HECTD4: variants seen among roughly 807,000 people sequenced by gnomAD.
The protein encoded by HECTD4 is probable E3 ubiquitin-protein ligase HECTD4.
In HECTD4, 114 loss-of-function variants were observed where a neutral mutation model predicts 471.5. The observed-to-expected ratio is 0.24, with a 90% confidence interval of 0.21 to 0.28. The LOEUF (loss-of-function observed/expected upper bound fraction) is 0.28, where lower values mean the gene tolerates loss of function less well. Ranked by LOEUF, HECTD4 falls within the 10% of genes least tolerant of loss-of-function variation. The pLI is 1.00. For missense variants in HECTD4, 3,866 were observed against 5,651.5 expected (o/e 0.68, Z 10.13); for synonymous variants, 2,012 against 2,256.0 (o/e 0.89, Z 3.07).
chr12:112,174,628 A>T (rs927781542), intron 66 of HECTD4, among the ~76,000 whole-genome samples: 1 of 147,172 alleles, frequency 6.8e-6, no homozygotes, highest in African/African-American at 2.5e-5. Flanking sequence ...GCAGTGACAC[A>T]ATCTCGGCTC....
chr12:112,367,552 G>T (rs773363397), intron 1 of HECTD4, among the ~76,000 whole-genome samples: 6 of 151,908 alleles, frequency 3.9e-5, no homozygotes, highest in Non-Finnish European at 7.4e-5. Context: ...GGGCCCAGTG[G>T]CTCACGCCTG....
At chr12:112,260,549 A>G (rs930471371) in intron 18 of HECTD4, among the ~76,000 whole-genome samples, 1 of 152,070 alleles carries the variant, frequency 6.6e-6, no homozygotes, top group Non-Finnish European at 1.5e-5. Flanking sequence ...CACAGTATTC[A>G]ATGCATCTCT....
chr12:112,325,505 G>C (rs2035723922), intron 1 of HECTD4, among the ~76,000 whole-genome samples: 2 of 152,054 alleles, frequency 1.3e-5, no homozygotes, highest in Admixed American at 1.3e-4. Flanking sequence ...CATACCTTTG[G>C]GTTTTTGTAA....
intron 44 of HECTD4, among the ~76,000 whole-genome samples, chr12:112,225,851 C>T (rs1248577529): frequency 3.3e-5 from 5 of 152,094 alleles, no homozygotes; most frequent in African/African-American, 9.7e-5. Flanking sequence ...TGCATTCAAA[C>T]GCCTGGGCTC....
chr12:112,288,184 T>C (rs1466270164), intron 7 of HECTD4, among the ~76,000 whole-genome samples: 1 of 151,598 alleles, frequency 6.6e-6, no homozygotes, highest in Non-Finnish European at 1.5e-5. Flanking sequence ...CAAAATTAGC[T>C]AGGTGTGGTG....
intron 59 of HECTD4, among the ~76,000 whole-genome samples, chr12:112,191,542 C>T (rs2032079233): frequency 6.6e-6 from 1 of 152,172 alleles, no homozygotes; most frequent in Non-Finnish European, 1.5e-5. Flanking sequence ...CTGCACTGCC[C>T]CTGAAGCCCC....
At position 112,274,756 on chromosome 12, in the gene HECTD4, C is replaced by CT. The variant is rs2034490414; in HGVS notation, c.1801+90dup. 5 of 765,436 alleles carry CT rather than the reference C, an allele frequency of 6.5e-6. No homozygotes were observed. The South Asian group carries it at 8.4e-5, about 13-fold the overall frequency. The allele number at this position is 765,436 out of a possible 1,614,324, so 47.4% of individuals were successfully genotyped here. Reference sequence around the variant, plus strand: ...AAAAACGTCTTTCTTTTCAAGAAAACTAGAATGCCACAGGGAACTGGCAAG... The same window carrying CT: ...AAAAACGTCTTTCTTTTCAAGAAAACTTAGAATGCCACAGGGAACTGGCAAG... On this transcript the variant is annotated intron_variant, in intron 10 of 75. Coordinates refer to ENST00000682272, the MANE Select transcript of HECTD4 (RefSeq NM_001388303.1).
In HECTD4 at chr12:112,314,476, C is replaced by T; in HGVS notation, c.766G>A (p.Val256Ile). 1 of 1,527,600 alleles carries T rather than the reference C, an allele frequency of 6.5e-7. No homozygotes were observed. 94.6% of individuals were successfully genotyped at this position (1,527,600 alleles called of 1,614,324 possible). ...QKQTDLGSLP[V>I]ADVLYRLLLL... ...ACTTACCTATATAGCACATCAGCTA[C>T]AGGCAGGGACCCTAGATCCGTCTGT... The change falls in exon 3 of 76, where the codon GTA becomes ATA. Residue 256 changes from valine (V) to isoleucine (I), a missense_variant. Physicochemically the swap from Val to Ile is conservative, Grantham distance 29 (BLOSUM62 3). This residue lies in a region of HECTD4 where 440 missense variants were observed against 636.0 expected (regional missense o/e 0.69). Transcript: ENST00000682272.
intron 7 of HECTD4, among the ~76,000 whole-genome samples, chr12:112,303,455 T>C (rs914297009): frequency 2.0e-5 from 3 of 152,176 alleles, no homozygotes; most frequent in African/African-American, 7.2e-5. Flanking sequence ...AGATACTGCC[T>C]AGAGTTCATA....
At chr12:112,200,305 C>G (rs1335117053) in intron 55 of HECTD4, among the ~76,000 whole-genome samples, 1 of 152,154 alleles carries the variant, frequency 6.6e-6, no homozygotes, top group South Asian at 2.1e-4. Context: ...AGGTGCCCAT[C>G]ACCAAGATCG....
intron 17 of HECTD4, among the ~76,000 whole-genome samples, chr12:112,262,515 C>CAA (rs758273849): frequency 0.29 from 5,651 of 19,694 alleles, 1,864 homozygotes; most frequent in African/African-American, 0.31. Flanking sequence ...GACTCCATCT[C>CAA]AAAAAAAAAA....
Position 112,193,493 on chromosome 12 carries a change from C to G in HECTD4, c.8931G>C (p.Thr2977=), listed in dbSNP as rs773329885. The change falls in exon 57 of 76, where the codon ACG becomes ACC. Residue 2977 remains threonine, a synonymous_variant. Transcript: ENST00000682272. This position sits in a 1 kb window ranked among gnomAD's most constrained non-coding sequence, Gnocchi z 5.2. ...HQGEESLLEL[T]KQICSFLQTA... Reference sequence around the variant, plus strand: ...CCTGCAGGAAAGAGCAGATCTGTTTCGTCAGCTCTAAAAGGCTCTCCTCGC... The same window carrying G: ...CCTGCAGGAAAGAGCAGATCTGTTTGGTCAGCTCTAAAAGGCTCTCCTCGC... 6.2e-7 allele frequency: 1 copy of G among 1,610,022 alleles called. No individual in the cohort carries two copies. Among genetic ancestry groups the G allele is most frequent in the Non-Finnish European group, 8.5e-7 (1 of 1,178,300 alleles).
In HECTD4 at chr12:112,163,459, G is replaced by A; in HGVS notation, c.12897+83C>T. 7.2e-6 allele frequency: 9 copies of A among 1,241,848 alleles called. No homozygotes were observed. Among genetic ancestry groups the A allele is most frequent in the Non-Finnish European group, 8.8e-6 (8 of 910,258 alleles). The allele number at this position is 1,241,848 out of a possible 1,614,324, so 76.9% of individuals were successfully genotyped here. A position where few individuals can be genotyped will look rare whatever the true frequency, so the allele number is the denominator to read the frequency against. On this transcript the variant is annotated intron_variant, in intron 74 of 75. Coordinates refer to ENST00000682272, the MANE Select transcript of HECTD4 (RefSeq NM_001388303.1). The surrounding 1 kb of genome is among the most constrained non-coding windows in gnomAD (Gnocchi z 8.2). The stretch of plus-strand genomic sequence containing the variant: ...AGAGCTGAGACAGGCCACTGCCGAT[G>A]CCTGCTGCTGGAGTTGAGGGTGACA...
intron 23 of HECTD4, among the ~76,000 whole-genome samples, chr12:112,251,707 C>T (rs1003647543): frequency 5.9e-5 from 9 of 152,192 alleles, no homozygotes; most frequent in Admixed American, 2.0e-4. Flanking sequence ...GTCTAAAATA[C>T]GTTTTCGGAA....
At position 112,213,075 on chromosome 12, in the gene HECTD4, C is replaced by T. The variant is rs774537618; in HGVS notation, c.7466-425G>A. Among the ~76,000 whole-genome samples, 4 of 152,136 alleles carry T rather than the reference C, an allele frequency of 2.6e-5. No individual in the cohort carries two copies. The highest frequency in any genetic ancestry group is 6.6e-5 in the Admixed American group (1 of 15,264). Reference sequence around the variant, plus strand: ...CCTCTCAAAGTGCTGGAATTACAGTCGTGAGCCACCACGCCCAGCCTAAGT... The same window carrying T: ...CCTCTCAAAGTGCTGGAATTACAGTTGTGAGCCACCACGCCCAGCCTAAGT... On this transcript the variant is annotated intron_variant, in intron 48 of 75. Coordinates refer to ENST00000682272, the MANE Select transcript of HECTD4 (RefSeq NM_001388303.1). This position sits in a 1 kb window ranked among gnomAD's most constrained non-coding sequence, Gnocchi z 4.0.
rs886181123 is a variant in HECTD4, at chr12:112,172,149, C to A, written c.11785+522G>T. Among the ~76,000 whole-genome samples, 10 of 152,272 alleles carry A rather than the reference C, an allele frequency of 6.6e-5. No individual in the cohort carries two copies. In the South Asian group the frequency reaches 1.5e-3, roughly 22 times the overall value. On this transcript the variant is annotated intron_variant, in intron 67 of 75. Coordinates refer to ENST00000682272, the MANE Select transcript of HECTD4 (RefSeq NM_001388303.1). Reference sequence around the variant, plus strand: ...AACTCCCGACCTCAAGTGATCCGCCCGCCTTGGCCTCTCAAAGTGCTGGGA... The same window carrying A: ...AACTCCCGACCTCAAGTGATCCGCCAGCCTTGGCCTCTCAAAGTGCTGGGA...
In HECTD4 at chr12:112,163,644, G is replaced by A; in HGVS notation, c.12795C>T (p.Gly4265=). Residue 4265 remains glycine, a synonymous_variant, in exon 74 of 76, where the codon GGC becomes GGT. Transcript: ENST00000682272. This position sits in a 1 kb window ranked among gnomAD's most constrained non-coding sequence, Gnocchi z 8.2. ...GCTGCAGGGGGATGATGGAGCCCAGGCCGGCCCGCACGGCCGTCACGCACT... is the reference window on the plus strand; with the variant it reads ...GCTGCAGGGGGATGATGGAGCCCAGACCGGCCCGCACGGCCGTCACGCACT... ...NVECVTAVRA[G]LGSIIPLQLL... The A allele has an allele frequency of 6.5e-7, 1 of 1,541,792 alleles. No homozygotes were observed. Among genetic ancestry groups the A allele is most frequent in the South Asian group, 1.2e-5 (1 of 83,124 alleles).
Position 112,250,276 on chromosome 12 carries a change from T to G in HECTD4, c.3818A>C (p.Tyr1273Ser), listed in dbSNP as rs1225165750. 1.3e-5 allele frequency: 21 copies of G among 1,613,472 alleles called. No homozygotes were observed. The highest frequency in any genetic ancestry group is 1.7e-5 in the Non-Finnish European group (20 of 1,179,790). ...AGGAGGCACGAGGACATCAGAGGGGTAGGTGAATTCTCTGTCTTCCTCTAT... is the reference window on the plus strand; with the variant it reads ...AGGAGGCACGAGGACATCAGAGGGGGAGGTGAATTCTCTGTCTTCCTCTAT... ...LTIEEDREFTYPSDVLVPPVG... is the reference protein window; with the variant it reads ...LTIEEDREFTSPSDVLVPPVG... The change falls in exon 25 of 76, where the codon TAC (tyrosine) becomes TCC (serine). Residue 1273 changes from tyrosine (Y) to serine (S), a missense_variant. Tyr to Ser is a moderately radical substitution (Grantham distance 144). Around this residue, in one of 16 missense-constraint regions of HECTD4, gnomAD observed 281 missense variants for 499.9 expected, o/e 0.56. Transcript: ENST00000682272.
At chr12:112,340,280 A>G (rs1279348256) in intron 1 of HECTD4, among the ~76,000 whole-genome samples, 1 of 152,254 alleles carries the variant, frequency 6.6e-6, no homozygotes, top group Non-Finnish European at 1.5e-5. Context: ...CTATCACTGT[A>G]TAATGAAAGT....
Sources: allele counts gnomAD v4.1 joint callset (sites outside exome capture counted in the v4.1 genomes callset), GRCh38; gene constraint gnomAD v4.1.1; regional missense constraint gnomAD v4.1.1; non-coding constraint Gnocchi (gnomAD v3.1); transcripts MANE v1.5; gene names NCBI Gene and HGNC (gene_info 2026-07-23, HGNC 2026-07-21).